The following AIG1 variants were observed in gnomAD, a reference collection of about 807,000 sequenced individuals.
The protein encoded by AIG1 is androgen-induced gene 1 protein.
In AIG1, 23 loss-of-function variants were observed where a neutral mutation model predicts 31.4. The observed-to-expected ratio is 0.73, with a 90% CI of 0.53 to 1.04. The LOEUF (loss-of-function observed/expected upper bound fraction) is 1.04. Ranked by LOEUF, AIG1 falls within the 50% of genes least tolerant of loss-of-function variation. The probability of loss-of-function intolerance (pLI) is 0.00; values close to 1 mark genes in which losing one functional copy is unlikely to be tolerated. For synonymous variants in AIG1, 100 were observed against 110.5 expected (o/e 0.90, Z 0.60); for missense variants, 274 against 295.0 (o/e 0.93, Z 0.52).
At chr6:143,332,987 A>G (rs529538175) in intron 4 of AIG1, among the ~76,000 whole-genome samples, 1 of 152,318 alleles carries the variant, frequency 6.6e-6, no homozygotes, top group African/African-American at 2.4e-5. Context: ...CTGTCATATC[A>G]ATGTTAATTT....
intron 3 of AIG1, chr6:143,188,973 A>G: frequency 1.0e-6 from 1 of 984,822 alleles, no homozygotes; most frequent in Non-Finnish European, 1.2e-6. Flanking sequence ...AAAGTAAGCC[A>G]TGCAACTGAG....
intron 1 of AIG1, among the ~76,000 whole-genome samples, chr6:143,081,072 G>C (rs568418597): frequency 6.6e-6 from 1 of 152,148 alleles, no homozygotes; most frequent in Non-Finnish European, 1.5e-5. Context: ...GGTTAGGAAG[G>C]GCTGTCCATA....
chr6:143,215,813 G>A lies in AIG1; in HGVS notation c.399+50630G>A, dbSNP rs183461177. ...AGAGAGTAATGAATGAACACTCTAA[G>A]GCAGTGGTTAGTAAACCTTTTTTTG... On this transcript the variant is annotated intron_variant, in intron 3 of 5. Coordinates refer to ENST00000357847, the MANE Select transcript of AIG1 (RefSeq NM_016108.4). Among the ~76,000 whole-genome samples the A allele has an allele frequency of 5.8e-4, 89 of 152,296 alleles. 1 individual carries two copies. Among genetic ancestry groups the A allele is most frequent in the Admixed American group, 8.5e-4 (13 of 15,294 alleles).
At chr6:143,090,443 CAT>C (rs2128475407) in intron 1 of AIG1, among the ~76,000 whole-genome samples, 1 of 152,210 alleles carries the variant, frequency 6.6e-6, no homozygotes, top group South Asian at 2.1e-4. Context: ...GATGTGAGAA[CAT>C]AGTCCCACAG....
At chr6:143,314,518 A>G (rs1308734169) in intron 4 of AIG1, among the ~76,000 whole-genome samples, 1 of 152,166 alleles carries the variant, frequency 6.6e-6, no homozygotes, top group African/African-American at 2.4e-5. Flanking sequence ...TTGCTTTCCT[A>G]TAACTACAGT....
chr6:143,189,015 T>G (rs908780474), intron 3 of AIG1: 11 of 984,106 alleles, frequency 1.1e-5, no homozygotes, highest in Non-Finnish European at 1.3e-5. Flanking sequence ...TATAACTGTT[T>G]GCACAACTGT....
At chr6:143,169,665 T>C (rs903117976) in intron 3 of AIG1, among the ~76,000 whole-genome samples, 1 of 152,142 alleles carries the variant, frequency 6.6e-6, no homozygotes, top group Admixed American at 6.6e-5. Context: ...GAGCTCATCA[T>C]TTTTAGCTCC....
At chr6:143,318,509 G>T (rs1234544015) in intron 4 of AIG1, among the ~76,000 whole-genome samples, 2 of 151,942 alleles carry the variant, frequency 1.3e-5, no homozygotes, top group African/African-American at 4.8e-5. Flanking sequence ...TTAAATCCAA[G>T]ACCTAAAACC....
intron 4 of AIG1, among the ~76,000 whole-genome samples, chr6:143,285,092 G>A (rs1011128334): frequency 1.3e-5 from 2 of 151,854 alleles, no homozygotes; most frequent in African/African-American, 4.8e-5. Flanking sequence ...CCCCTCAATT[G>A]TACTTAATCC....
chr6:143,130,179 T>G (rs978722132), intron 1 of AIG1, among the ~76,000 whole-genome samples: 2 of 151,986 alleles, frequency 1.3e-5, no homozygotes, highest in Non-Finnish European at 2.9e-5. Flanking sequence ...TCCACCCATC[T>G]CAGTCTCCCA....
intron 4 of AIG1, among the ~76,000 whole-genome samples, chr6:143,286,173 A>G (rs1265470130): frequency 6.6e-6 from 1 of 152,190 alleles, no homozygotes; most frequent in African/African-American, 2.4e-5. Context: ...CAGAGATTTC[A>G]GGAACTATGT....
chr6:143,260,936 A>G (rs1174676604), intron 3 of AIG1, among the ~76,000 whole-genome samples: 1 of 152,196 alleles, frequency 6.6e-6, no homozygotes, highest in African/African-American at 2.4e-5. Context: ...GCTCATTAAA[A>G]TTAACAAACA....
At chr6:143,077,422 G>A (rs1330885763) in intron 1 of AIG1, among the ~76,000 whole-genome samples, 1 of 152,122 alleles carries the variant, frequency 6.6e-6, no homozygotes, top group East Asian at 1.9e-4. Flanking sequence ...CATTGAGTAT[G>A]CTTTGTTTTG....
intron 3 of AIG1, among the ~76,000 whole-genome samples, chr6:143,238,506 G>A (rs1273956037): frequency 6.6e-6 from 1 of 152,140 alleles, no homozygotes; most frequent in Non-Finnish European, 1.5e-5. Flanking sequence ...GTCATATGTT[G>A]AGCCTAAGCC....
chr6:143,331,524 T>G lies in AIG1; in HGVS notation c.516-1758T>G, dbSNP rs992228555. Among the ~76,000 whole-genome samples, 2 of 152,214 alleles carry G rather than the reference T, an allele frequency of 1.3e-5. No individual in the cohort carries two copies. The highest frequency in any genetic ancestry group is 1.3e-4 in the Admixed American group (2 of 15,282). ...TTCAAGGTCCATCCATGTTGTAGCATGTATCAACATTTTACTCCTCTTTAT... is the reference window on the plus strand; with the variant it reads ...TTCAAGGTCCATCCATGTTGTAGCAGGTATCAACATTTTACTCCTCTTTAT... On this transcript the variant is annotated intron_variant, in intron 4 of 5. Transcript: ENST00000357847. This position sits in a 1 kb window ranked among gnomAD's most constrained non-coding sequence, Gnocchi z 4.1.
At chr6:143,165,718 C>G (rs1786864040) in intron 3 of AIG1, among the ~76,000 whole-genome samples, 1 of 152,216 alleles carries the variant, frequency 6.6e-6, no homozygotes, top group Non-Finnish European at 1.5e-5. Context: ...GGGTTCTTCC[C>G]AAGTTAGGGT....
chr6:143,242,416 A>G (rs991309033), intron 3 of AIG1, among the ~76,000 whole-genome samples: 2 of 152,262 alleles, frequency 1.3e-5, no homozygotes, highest in African/African-American at 2.4e-5. Context: ...CAGTTTTTAT[A>G]TGTAACTTTG....
chr6:143,098,107 G>A (rs1025304584), intron 1 of AIG1, among the ~76,000 whole-genome samples: 14 of 152,100 alleles, frequency 9.2e-5, no homozygotes, highest in Admixed American at 5.9e-4. Context: ...AAATCTCCTA[G>A]TGTCACTCTA....
chr6:143,252,936 G>C (rs1795113846), intron 3 of AIG1, among the ~76,000 whole-genome samples: 1 of 152,200 alleles, frequency 6.6e-6, no homozygotes, highest in African/African-American at 2.4e-5. Context: ...GAGGGCCTCA[G>C]TTTCTAGCTG....
Sources: allele counts gnomAD v4.1 joint callset (sites outside exome capture counted in the v4.1 genomes callset), GRCh38; gene constraint gnomAD v4.1.1; non-coding constraint Gnocchi (gnomAD v3.1); transcripts MANE v1.5; gene names NCBI Gene and HGNC (gene_info 2026-07-23, HGNC 2026-07-21).